NEK5: variants seen among roughly 807,000 people sequenced by gnomAD.
The protein encoded by NEK5 is serine/threonine-protein kinase Nek5.
Under a neutral mutation model 109.2 loss-of-function variants are expected in NEK5, and 88 were observed. That is an observed-to-expected ratio of 0.81 (90% CI 0.68 to 0.96). The LOEUF is 0.96. Among genes scored for constraint, NEK5 ranks in the 40% least tolerant of loss-of-function variants. The pLI is 0.00. For missense variants in NEK5, 834 were observed against 920.7 expected (o/e 0.91, Z 1.22); for synonymous variants, 283 against 299.9 (o/e 0.94, Z 0.58).
chr13:52,101,233 C>A (rs1022542464), intron 11 of NEK5, among the ~76,000 whole-genome samples: 1 of 152,112 alleles, frequency 6.6e-6, no homozygotes, highest in East Asian at 1.9e-4. Context: ...CTCGTCTCTA[C>A]TAAAAAAATA....
At chr13:52,073,122 G>A (rs947576116) in intron 19 of NEK5, among the ~76,000 whole-genome samples, 5 of 152,164 alleles carry the variant, frequency 3.3e-5, no homozygotes, top group East Asian at 1.9e-4. Flanking sequence ...CAGTATATTA[G>A]TTGTTGACAA....
intron 5 of NEK5, among the ~76,000 whole-genome samples, chr13:52,111,201 A>C (rs886760873): frequency 6.6e-6 from 1 of 152,174 alleles, no homozygotes; most frequent in Non-Finnish European, 1.5e-5. Flanking sequence ...GATTTATTTA[A>C]ACTATTCTAA....
At chr13:52,056,783 G>A (rs565769276) in intron 22 of NEK5, among the ~76,000 whole-genome samples, 1,825 of 151,760 alleles carry the variant, frequency 0.012, 35 homozygotes, top group African/African-American at 0.042. Context: ...GAATCTCTGG[G>A]ACGCATTCAA....
chr13:52,088,637 A>G (rs1226862373), intron 14 of NEK5, among the ~76,000 whole-genome samples: 1 of 152,158 alleles, frequency 6.6e-6, no homozygotes, highest in African/African-American at 2.4e-5. Flanking sequence ...TTTGAAGCTC[A>G]TCTACTCTAA....
Position 52,079,762 on chromosome 13 carries a change from T to A in NEK5, c.1572+3498A>T, listed in dbSNP as rs1395506012. 3.2e-5 allele frequency among the ~76,000 whole-genome samples: 3 copies of A among 92,516 alleles called. No homozygotes were observed. In the Admixed American group the frequency reaches 3.3e-4, roughly 10 times the overall value. 60.7% of individuals were successfully genotyped at this position (92,516 alleles called of 152,430 possible). On this transcript the variant is annotated intron_variant, in intron 17 of 23. Coordinates refer to ENST00000684899, the MANE Select transcript of NEK5 (RefSeq NM_001365552.1). ...AGGAGCGTCTCTGCCCGGCCGCCCATCGTCTGGGACGTGAGGAGCCCCTCT... is the reference window on the plus strand; with the variant it reads ...AGGAGCGTCTCTGCCCGGCCGCCCAACGTCTGGGACGTGAGGAGCCCCTCT...
At chr13:52,128,004 G>T (rs1956101932) in intron 1 of NEK5, among the ~76,000 whole-genome samples, 1 of 152,084 alleles carries the variant, frequency 6.6e-6, no homozygotes, top group Admixed American at 6.5e-5. Context: ...TTTACAGGTG[G>T]TTGGGGCCTG....
At chr13:52,041,771 AAAG>A (rs200926878) in intron 23 of NEK5, among the ~76,000 whole-genome samples, 2,015 of 151,142 alleles carry the variant, frequency 0.013, 55 homozygotes, top group African/African-American at 0.047. Flanking sequence ...GGAAAGGAAC[AAAG>A]AAGAGAATAA....
intron 9 of NEK5, among the ~76,000 whole-genome samples, chr13:52,102,738 T>C (rs1955567207): frequency 6.6e-6 from 1 of 152,194 alleles, no homozygotes; most frequent in East Asian, 1.9e-4. Flanking sequence ...TTAAATTGTT[T>C]TCATCAACTA....
intron 12 of NEK5, 148 bp downstream of exon 12, chr13:52,099,595 G>A (rs1403486249): frequency 1.4e-5 from 10 of 702,166 alleles, no homozygotes; most frequent in Admixed American, 2.9e-5. Context: ...GCTTGAACCC[G>A]GGAGGTGGAG....
chr13:52,101,476 A>G (rs1955529121), intron 11 of NEK5, among the ~76,000 whole-genome samples: 1 of 152,194 alleles, frequency 6.6e-6, no homozygotes, highest in South Asian at 2.1e-4. Flanking sequence ...ACAAAGTAAC[A>G]GTTCTTACTG....
chr13:52,109,326 C>T (rs1955714190), intron 7 of NEK5, among the ~76,000 whole-genome samples: 1 of 152,128 alleles, frequency 6.6e-6, no homozygotes, highest in South Asian at 2.1e-4. Context: ...CCAGCATTAA[C>T]ATTAAAACAG....
intron 14 of NEK5, 51 bp downstream of exon 14, chr13:52,089,194 GAA>G: frequency 8.6e-7 from 1 of 1,156,872 alleles, no homozygotes; most frequent in Non-Finnish European, 1.3e-6. Context: ...TCTGTGAACA[GAA>G]AAACTATTAG....
chr13:52,057,674 C>T (rs1438917941), intron 22 of NEK5, among the ~76,000 whole-genome samples: 6 of 152,098 alleles, frequency 3.9e-5, no homozygotes, highest in African/African-American at 1.2e-4. Context: ...TGTAATCCAG[C>T]ATATAAACAG....
chr13:52,104,703 T>TA, intron 8 of NEK5, 151 bp from the exon 9 acceptor site: 1 of 638,348 alleles, frequency 1.6e-6, no homozygotes, highest in Non-Finnish European at 2.8e-6. Context: ...CATCAATTCT[T>TA]ATTAGAAGAT....
chr13:52,119,516 C>A, intron 3 of NEK5, 101 bp from the exon 4 acceptor site: 1 of 543,190 alleles, frequency 1.8e-6, no homozygotes, highest in South Asian at 3.3e-5. Flanking sequence ...ATTTCACTGG[C>A]TTTTAATGTC....
At chr13:52,107,626 A>C (rs9535864) in intron 8 of NEK5, among the ~76,000 whole-genome samples, 7 of 151,834 alleles carry the variant, frequency 4.6e-5, no homozygotes, top group African/African-American at 1.7e-4. Context: ...GTGCCCTTAT[A>C]CAAAGGCTGT....
chr13:52,037,852 G>A (rs1278611584), intron 23 of NEK5, among the ~76,000 whole-genome samples: 4 of 152,074 alleles, frequency 2.6e-5, no homozygotes, highest in African/African-American at 9.7e-5. Flanking sequence ...GAACCTGGGA[G>A]GCGGAGCTTG....
chr13:52,066,601 C>A (rs889732310), intron 20 of NEK5, among the ~76,000 whole-genome samples: 1 of 151,924 alleles, frequency 6.6e-6, no homozygotes, highest in African/African-American at 2.4e-5. Flanking sequence ...GTCAAGAGAT[C>A]GAAACCATCC....
At chr13:52,084,764 T>A (rs895940327) in intron 16 of NEK5, among the ~76,000 whole-genome samples, 4,054 of 35,556 alleles carry the variant, frequency 0.11, 22 homozygotes, top group Non-Finnish European at 0.14. Context: ...AGAGAGAGAG[T>A]GTGTGTGTGT....
Sources: gnomAD v4.1 joint callset for allele counts (sites outside exome capture counted in the v4.1 genomes callset) on GRCh38, gnomAD v4.1.1 for gene constraint, MANE v1.5 for transcripts, NCBI Gene and HGNC (gene_info 2026-07-23, HGNC 2026-07-21) for gene names.